Variants in RYR2 observed in about 807,000 individuals in gnomAD.
RYR2 encodes the protein ryanodine receptor 2.
RYR2 carries 227 observed loss-of-function variants against 601.1 expected under a neutral mutation model. The observed-to-expected ratio is 0.38, with a 90% CI of 0.34 to 0.42. The LOEUF (loss-of-function observed/expected upper bound fraction) is 0.42. Among genes scored for constraint, RYR2 ranks in the 10% least tolerant of loss-of-function variants. The pLI is 1.00. For missense variants in RYR2, 4,646 were observed against 6,156.5 expected, an observed-to-expected ratio of 0.75 and a Z score of 8.21; for synonymous variants, 2,223 against 2,175.1, an observed-to-expected ratio of 1.02 and a Z score of -0.61.
Position 237,593,484 on chromosome 1 carries a change from C to G in RYR2, c.4284C>G (p.Tyr1428Ter). The G allele has an allele frequency of 6.2e-7, 1 of 1,612,612 alleles. No homozygotes were observed. Residue 1428 changes from tyrosine to a stop codon, truncating the protein, a stop_gained, in exon 33 of 105, where the codon TAC becomes TAG. Coordinates refer to ENST00000366574, the MANE Select transcript of RYR2 (RefSeq NM_001035.3). LOFTEE classifies it high-confidence loss of function. ...DFLMQTSTYY[Y>*]SVRIFPGQEP... Reference sequence around the variant, plus strand: ...TTCTGCTATCTTCACAGTACTATTACTCAGTGAGAATCTTTCCTGGACAAG... The same window carrying G: ...TTCTGCTATCTTCACAGTACTATTAGTCAGTGAGAATCTTTCCTGGACAAG...
At chr1:237,316,514 C>T (rs1695128292) in intron 2 of RYR2, among the ~76,000 whole-genome samples, 1 of 152,184 alleles carries the variant, frequency 6.6e-6, no homozygotes, top group African/African-American at 2.4e-5. Context: ...GACCCACATA[C>T]TGTGATGTGT....
chr1:237,657,832 A>G (rs1683402718), intron 53 of RYR2, 112 bp from the exon 54 acceptor site: 6 of 570,620 alleles, frequency 1.1e-5, no homozygotes, highest in Admixed American at 7.8e-5. Flanking sequence ...GTCGTGTTTA[A>G]CAGTTAAAAT....
intron 1 of RYR2, among the ~76,000 whole-genome samples, chr1:237,182,103 G>GTTTGTTTATTTATTTA (rs371289277): frequency 2.7e-5 from 4 of 148,548 alleles, no homozygotes; most frequent in Non-Finnish European, 5.9e-5. Flanking sequence ...ACTCCCTGGG[G>GTTTGTTTATTTATTTA]TTTATTTATT....
intron 1 of RYR2, among the ~76,000 whole-genome samples, chr1:237,186,134 G>A (rs145490443): frequency 5.3e-5 from 8 of 152,164 alleles, no homozygotes; most frequent in Admixed American, 3.3e-4. Context: ...ATCCTGATCC[G>A]TGAAGATGGG....
intron 84 of RYR2, among the ~76,000 whole-genome samples, chr1:237,762,446 C>T (rs1693502537): frequency 1.3e-5 from 2 of 152,240 alleles, no homozygotes; most frequent in East Asian, 3.9e-4. Context: ...GCCTGACTTC[C>T]CTGTCTTGGA....
chr1:237,216,773 C>A (rs1011628072), intron 1 of RYR2, among the ~76,000 whole-genome samples: 18 of 147,222 alleles, frequency 1.2e-4, no homozygotes, highest in African/African-American at 3.5e-4. Context: ...AAACAAAAAA[C>A]AAAACAAAAC....
chr1:237,531,002 A>G (rs1043712410), intron 25 of RYR2, among the ~76,000 whole-genome samples: 2 of 152,192 alleles, frequency 1.3e-5, no homozygotes, highest in Non-Finnish European at 1.5e-5. Context: ...TTTCTATCAC[A>G]TTGCTGAGTG....
intron 11 of RYR2, among the ~76,000 whole-genome samples, chr1:237,417,909 T>G (rs1572230618): frequency 6.6e-6 from 1 of 152,284 alleles, no homozygotes; most frequent in African/African-American, 2.4e-5. Flanking sequence ...GTATATTGGG[T>G]TTTAAAGACT....
chr1:237,496,678 G>T lies in RYR2; in HGVS notation c.2129G>T (p.Gly710Val), dbSNP rs926435910. 2 of 1,613,972 alleles carry T rather than the reference G, an allele frequency of 1.2e-6. No homozygotes were observed. The highest frequency in any genetic ancestry group is 4.5e-5 in the East Asian group (2 of 44,872). Reference protein sequence around the residue: ...TEGYSPYPGGGEEWGGNGVGD... With the variant: ...TEGYSPYPGGVEEWGGNGVGD... ...GGATATTCTCCCTACCCTGGAGGGG[G>T]CGAAGAGTGGGGTGGAAATGGTGTT... The change falls in exon 20 of 105, where the codon GGC (glycine) becomes GTC (valine). Residue 710 changes from glycine to valine, a missense_variant. By Grantham distance (109) the Gly-to-Val change is moderately radical. This residue lies in a region of RYR2 where 1,807 missense variants were observed against 2,088.1 expected (regional missense o/e 0.87). Transcript: ENST00000366574.
intron 1 of RYR2, among the ~76,000 whole-genome samples, chr1:237,210,075 A>G (rs1329901259): frequency 1.3e-5 from 2 of 152,110 alleles, no homozygotes; most frequent in South Asian, 2.1e-4. Flanking sequence ...GATATTTCAC[A>G]TATTTTATTC....
chr1:237,154,243 G>A (rs1050063656), intron 1 of RYR2, among the ~76,000 whole-genome samples: 11 of 152,152 alleles, frequency 7.2e-5, no homozygotes, highest in Non-Finnish European at 1.3e-4. Flanking sequence ...CTCCTAGTGG[G>A]GCTGGTTTGG....
chr1:237,407,750 A>G (rs1704054838), intron 10 of RYR2, among the ~76,000 whole-genome samples: 1 of 151,302 alleles, frequency 6.6e-6, no homozygotes, highest in African/African-American at 2.4e-5. Flanking sequence ...CAGAGTAGCT[A>G]TGACTACAGG....
intron 35 of RYR2, among the ~76,000 whole-genome samples, chr1:237,606,339 T>C (rs1341081437): frequency 2.0e-5 from 3 of 152,130 alleles, no homozygotes; most frequent in Non-Finnish European, 4.4e-5. Flanking sequence ...ATTTAATAAA[T>C]GGTGCTGGGA....
At chr1:237,600,696 A>C (rs1291748340) in intron 34 of RYR2, among the ~76,000 whole-genome samples, 1 of 152,226 alleles carries the variant, frequency 6.6e-6, no homozygotes, top group Admixed American at 6.5e-5. Context: ...TTTGTAAACT[A>C]TACATCTGAT....
chr1:237,823,395 A>G (rs1662733871), intron 101 of RYR2, among the ~76,000 whole-genome samples: 1 of 152,226 alleles, frequency 6.6e-6, no homozygotes, highest in African/African-American at 2.4e-5. Context: ...CTGCACAACT[A>G]CATGGAAACT....
chr1:237,458,595 C>T (rs1191688049), intron 16 of RYR2, among the ~76,000 whole-genome samples: 1 of 152,074 alleles, frequency 6.6e-6, no homozygotes, highest in African/African-American at 2.4e-5. Context: ...GCAAGAATAG[C>T]ACCATTCTGG....
intron 79 of RYR2, among the ~76,000 whole-genome samples, chr1:237,738,070 C>T (rs960472): frequency 0.21 from 32,640 of 152,054 alleles, 4,461 homozygotes; most frequent in East Asian, 0.55. Context: ...CATGGTTTCT[C>T]GGTTTACCAA....
intron 25 of RYR2, among the ~76,000 whole-genome samples, chr1:237,547,298 G>T (rs1669933436): frequency 6.6e-6 from 1 of 152,016 alleles, no homozygotes; most frequent in Non-Finnish European, 1.5e-5. Flanking sequence ...GAGCCACTGT[G>T]CCCGGCCTTT....
At chr1:237,603,688 G>A (rs1307216021) in intron 35 of RYR2, among the ~76,000 whole-genome samples, 1 of 152,178 alleles carries the variant, frequency 6.6e-6, no homozygotes, top group African/African-American at 2.4e-5. Context: ...CCCATCTCAT[G>A]TGCAGAGACA....
Sources: gnomAD v4.1 joint callset for allele counts (sites outside exome capture counted in the v4.1 genomes callset) on GRCh38, gnomAD v4.1.1 for gene constraint, gnomAD v4.1.1 regional missense constraint, MANE v1.5 for transcripts, NCBI Gene and HGNC (gene_info 2026-07-23, HGNC 2026-07-21) for gene names.